Variants in HACL1 observed in about 807,000 individuals in gnomAD.
The protein encoded by HACL1 is 1600020H07Rik.
Under a neutral mutation model 74.2 loss-of-function variants are expected in HACL1, and 64 were observed. That is an observed-to-expected ratio of 0.86 (90% confidence interval 0.70 to 1.06). HACL1 has a LOEUF of 1.06. HACL1 is among the 50% of genes least tolerant of loss of function. The pLI is 0.00. For synonymous variants in HACL1, 230 were observed against 238.8 expected (o/e 0.96, Z 0.34); for missense variants, 728 against 719.7 (o/e 1.01, Z -0.13).
chr3:15,567,728 G>A (rs2063461467), intron 14 of HACL1, 116 bp downstream of exon 14: 6 of 902,994 alleles, frequency 6.6e-6, no homozygotes, highest in Middle Eastern at 2.2e-4. Context: ...AGAACACAGT[G>A]CTGTGCACAG....
intron 3 of HACL1, chr3:15,596,140 A>C (rs1302984340): frequency 1.3e-5 from 6 of 449,792 alleles, no homozygotes; most frequent in Non-Finnish European, 8.1e-6. Flanking sequence ...GGTATCATAC[A>C]TCAACTCACT....
chr3:15,575,031 C>T lies in HACL1; in HGVS notation c.855G>A (p.Trp285Ter). The change falls in exon 10 of 17, where the codon TGG (tryptophan) becomes TGA (stop). Residue 285 changes from tryptophan to a stop codon, truncating the protein, a stop_gained. Transcript: ENST00000321169. LOFTEE classifies it high-confidence loss of function. ...VIVLFGARLN[W>*]ILHFGLPPRY... ...TTGGAGGCAGTCCAAAATGTAAAAT[C>T]CAATTTAGTCTGGCACCAAATAACA... 2 of 1,600,874 alleles carry T rather than the reference C, an allele frequency of 1.2e-6. No individual in the cohort carries two copies. The highest frequency in any genetic ancestry group is 1.7e-6 in the Non-Finnish European group (2 of 1,169,034).
chr3:15,580,046 C>T lies in HACL1; in HGVS notation c.668-1G>A. 2 of 1,611,188 alleles carry T rather than the reference C, an allele frequency of 1.2e-6. No individual in the cohort carries two copies. The highest frequency in any genetic ancestry group is 1.3e-5 in the African/African-American group (1 of 74,974). ...TCTTCTGCATGAGCGTAAGCAGCAC[C>T]TATAAGAAATGCAAATGTATTGGAC... is the stretch of plus-strand genomic sequence containing the variant. On this transcript the variant is annotated splice_acceptor_variant, in intron 8 of 16. Coordinates refer to ENST00000321169, the MANE Select transcript of HACL1 (RefSeq NM_012260.4). LOFTEE classifies it high-confidence loss of function.
intron 9 of HACL1, among the ~76,000 whole-genome samples, chr3:15,575,301 C>T (rs2063604671): frequency 6.6e-6 from 1 of 151,544 alleles, no homozygotes. Context: ...AAAACATTAC[C>T]ATAAGCTGTA....
rs754433875 is a variant in HACL1 at position 15,582,903 on chromosome 3, T to C, written c.641A>G (p.Lys214Arg). 2.5e-6 allele frequency: 4 copies of C among 1,603,486 alleles called. No individual in the cohort carries two copies. The Admixed American group carries it at 5.0e-5, about 20-fold the overall frequency. The change falls in exon 8 of 17, where the codon AAA (lysine) becomes AGA (arginine). Residue 214 changes from lysine to arginine, a missense_variant. Transcript: ENST00000321169. Reference protein sequence around the residue: ...CTAASVIRNAKQPLLIIGKGA... With the variant: ...CTAASVIRNARQPLLIIGKGA... ...TTTCCCGATGATAAGAAGGGGTTGT[T>C]TGGCATTCCTAATAACAGAAGCCGC...
Position 15,568,405 on chromosome 3 carries a change from G to A in HACL1, c.1250+27C>T, listed in dbSNP as rs201128934. The stretch of plus-strand genomic sequence containing the variant: ...TATTAAACACATTATAATGAATTAC[G>A]ACTTCTTTCTTCTTTAGAAGTCTTA... On this transcript the variant is annotated intron_variant, in intron 13 of 16. Transcript: ENST00000321169. 10,917 of 1,423,630 alleles carry A rather than the reference G, an allele frequency of 7.7e-3. 60 individuals carry two copies. Among genetic ancestry groups the A allele is most frequent in the Middle Eastern group, 0.036 (199 of 5,480 alleles). The allele number at this position is 1,423,630 out of a possible 1,614,324, so 88.2% of individuals were successfully genotyped here.
intron 14 of HACL1, among the ~76,000 whole-genome samples, chr3:15,565,293 T>C (rs548958399): frequency 3.9e-5 from 6 of 152,364 alleles, no homozygotes; most frequent in African/African-American, 1.2e-4. Context: ...CCCTATTTAA[T>C]ACTCTCTAAA....
chr3:15,600,063 T>C (rs1433678228), intron 2 of HACL1, among the ~76,000 whole-genome samples: 4 of 147,840 alleles, frequency 2.7e-5, no homozygotes, highest in African/African-American at 1.1e-4. Context: ...ATCTCAAACC[T>C]TGTAGATAAA....
intron 14 of HACL1, among the ~76,000 whole-genome samples, chr3:15,566,181 A>G (rs941528190): frequency 2.0e-5 from 3 of 152,240 alleles, no homozygotes; most frequent in Non-Finnish European, 4.4e-5. Context: ...CATGATTCAC[A>G]AAAGCCCTAA....
At chr3:15,576,028 T>G (rs75880453) in intron 9 of HACL1, among the ~76,000 whole-genome samples, 102,542 of 102,914 alleles carry the variant, frequency 1, 51,088 homozygotes, top group Middle Eastern at 1. Flanking sequence ...TGGTGGTGCG[T>G]GCCTGTAGTC....
chr3:15,560,736 C>T lies in HACL1; in HGVS notation c.*129G>A. ...TTTCTGTTTTTAATCAATTCCTTTA[C>T]TGTAAAATGTCATTTTAAATGTTTA... On this transcript the variant is annotated 3_prime_UTR_variant, in exon 17 of 17. Coordinates refer to ENST00000321169, the MANE Select transcript of HACL1 (RefSeq NM_012260.4). 1.4e-6 allele frequency: 1 copy of T among 706,212 alleles called. No homozygotes were observed. Among genetic ancestry groups the T allele is most frequent in the South Asian group, 1.7e-5 (1 of 60,194 alleles). 43.7% of individuals were successfully genotyped at this position (706,212 alleles called of 1,614,324 possible). A position where few individuals can be genotyped will look rare whatever the true frequency, so the allele number is the denominator to read the frequency against.
intron 4 of HACL1, 79 bp downstream of exon 4, chr3:15,591,521 G>C (rs1410607032): frequency 1.3e-6 from 1 of 756,694 alleles, no homozygotes; most frequent in Non-Finnish European, 2.2e-6. Context: ...TTCTACCCTA[G>C]ATCAGCATTA....
intron 16 of HACL1, among the ~76,000 whole-genome samples, chr3:15,562,989 A>AC (rs1344872184): frequency 6.6e-6 from 1 of 151,752 alleles, no homozygotes; most frequent in Non-Finnish European, 1.5e-5. Context: ...CTTCCCTGTA[A>AC]CCCCAACATA....
At chr3:15,570,527 A>C (rs1212351932) in intron 12 of HACL1, among the ~76,000 whole-genome samples, 1 of 151,512 alleles carries the variant, frequency 6.6e-6, no homozygotes, top group Non-Finnish European at 1.5e-5. Flanking sequence ...GGAATCACGC[A>C]TAAGACACAG....
At chr3:15,594,875 A>T (rs1292365842) in intron 3 of HACL1, among the ~76,000 whole-genome samples, 1 of 152,254 alleles carries the variant, frequency 6.6e-6, no homozygotes, top group Non-Finnish European at 1.5e-5. Context: ...CACGCCTGTA[A>T]TCCCAGCCCT....
rs768309197 is a variant in HACL1, at chr3:15,571,659, C to T, written c.1095+9G>A. On this transcript the variant is annotated intron_variant, in intron 12 of 16. Coordinates refer to ENST00000321169, the MANE Select transcript of HACL1 (RefSeq NM_012260.4). ...ACCTGTTATTGAGCGTCAGTAGGTC[C>T]GATTTTACCTTGGATGCAGCTTCAT... 21 of 1,205,478 alleles carry T rather than the reference C, an allele frequency of 1.7e-5. No individual in the cohort carries two copies. Among genetic ancestry groups the T allele is most frequent in the Non-Finnish European group, 2.6e-5 (21 of 808,156 alleles). The allele number at this position is 1,205,478 out of a possible 1,614,324, so 74.7% of individuals were successfully genotyped here.
rs1314055189 is a variant in HACL1, at chr3:15,563,386, A to G, written c.1676T>C (p.Ile559Thr). The G allele has an allele frequency of 3.1e-6, 5 of 1,613,692 alleles. No homozygotes were observed. The African/African-American group carries it at 4.0e-5, about 13-fold the overall frequency. ...GGCCTTCCGTGTGGCTTGTGGCTCA[A>G]TCATGATGTTGATAAGAGAAGGTTT... ...TTKPSLINIM[I>T]EPQATRKAQD... Residue 559 changes from isoleucine to threonine, a missense_variant, in exon 16 of 17, where the codon ATT becomes ACT. By Grantham distance (89) the Ile-to-Thr change is moderately conservative. Coordinates refer to ENST00000321169, the MANE Select transcript of HACL1 (RefSeq NM_012260.4).
At chr3:15,570,226 T>C (rs2063502741) in intron 12 of HACL1, among the ~76,000 whole-genome samples, 2 of 151,642 alleles carry the variant, frequency 1.3e-5, no homozygotes, top group African/African-American at 2.4e-5. Context: ...TCCCAGCTAC[T>C]TGGGAGGCTG....
intron 9 of HACL1, among the ~76,000 whole-genome samples, chr3:15,579,372 T>G (rs1442550300): frequency 6.6e-6 from 1 of 152,088 alleles, no homozygotes; most frequent in East Asian, 1.9e-4. Flanking sequence ...TAGAAAAATA[T>G]TCTTAAAAGA....
Sources: gnomAD v4.1 joint callset for allele counts (sites outside exome capture counted in the v4.1 genomes callset) on GRCh38, gnomAD v4.1.1 for gene constraint, MANE v1.5 for transcripts, NCBI Gene and HGNC (gene_info 2026-07-23, HGNC 2026-07-21) for gene names.